DLG2: variants seen among roughly 807,000 people sequenced by gnomAD.
The protein encoded by DLG2 is discs large MAGUK scaffold protein 2, also known as disks large homolog 2.
A neutral mutation model predicts 132.5 loss-of-function variants in DLG2; 45 were observed. That is an observed-to-expected ratio of 0.34 (90% CI 0.27 to 0.44). The LOEUF (loss-of-function observed/expected upper bound fraction) is 0.44, where lower values mean the gene tolerates loss of function less well. Ranked by LOEUF, DLG2 falls within the 20% of genes least tolerant of loss-of-function variation. DLG2 has a pLI of 1.00. For synonymous variants in DLG2, 424 were observed against 419.6 expected, an observed-to-expected ratio of 1.01 and a Z score of -0.13; for missense variants, 1,045 against 1,196.9, an observed-to-expected ratio of 0.87 and a Z score of 1.87.
Position 84,778,959 on chromosome 11 carries a change from T to C in DLG2, c.358-244228A>G, listed in dbSNP as rs553318444. Among the ~76,000 whole-genome samples the C allele has an allele frequency of 2.0e-5, 3 of 152,268 alleles. No homozygotes were observed. The South Asian group carries it at 6.2e-4, about 32-fold the overall frequency. On this transcript the variant is annotated intron_variant, in intron 6 of 27. Coordinates refer to ENST00000376104, the MANE Select transcript of DLG2 (RefSeq NM_001142699.3). ...CTTGAACATCAGACTCCAAGTTCTT[T>C]GGTTTTTGGACTCTTGAACCTACGC...
chr11:85,163,998 T>C (rs1007456852), intron 4 of DLG2, among the ~76,000 whole-genome samples: 7 of 152,290 alleles, frequency 4.6e-5, no homozygotes, highest in African/African-American at 1.7e-4. Context: ...TTGAAGCTTA[T>C]TTAGCATTCT....
intron 10 of DLG2, among the ~76,000 whole-genome samples, chr11:84,089,544 C>A (rs1423662223): frequency 6.6e-6 from 1 of 152,160 alleles, no homozygotes; most frequent in African/African-American, 2.4e-5. Context: ...TACACAAGAA[C>A]TGCATTCTTG....
In DLG2 at chr11:85,294,122, T is replaced by C. The variant is rs558993677; in HGVS notation, c.41-8757A>G. 1.8e-4 allele frequency among the ~76,000 whole-genome samples: 28 copies of C among 152,238 alleles called. No individual in the cohort carries two copies. The South Asian group carries it at 2.1e-3, about 11-fold the overall frequency. On this transcript the variant is annotated intron_variant, in intron 3 of 27. Coordinates refer to ENST00000376104, the MANE Select transcript of DLG2 (RefSeq NM_001142699.3). ...ATATGCATATATATGTATATATGTGTATATGTGTGTATAGAGATACAGAGA... is the reference window on the plus strand; with the variant it reads ...ATATGCATATATATGTATATATGTGCATATGTGTGTATAGAGATACAGAGA...
At chr11:83,708,842 G>A (rs1053654565) in intron 18 of DLG2, among the ~76,000 whole-genome samples, 1 of 152,292 alleles carries the variant, frequency 6.6e-6, no homozygotes, top group South Asian at 2.1e-4. Flanking sequence ...TGTAGGCTTA[G>A]TGGGTATTCT....
chr11:84,072,481 T>G (rs945484858), intron 10 of DLG2, among the ~76,000 whole-genome samples: 1 of 152,004 alleles, frequency 6.6e-6, no homozygotes, highest in South Asian at 2.1e-4. Flanking sequence ...AATGCAGGAG[T>G]ACATAACAGG....
intron 6 of DLG2, among the ~76,000 whole-genome samples, chr11:84,822,808 G>T (rs2077857357): frequency 6.6e-6 from 1 of 151,808 alleles, no homozygotes. Flanking sequence ...GGATTAAATG[G>T]GTAAAAGGTA....
chr11:83,547,890 G>C (rs1457013689), intron 19 of DLG2, among the ~76,000 whole-genome samples: 1 of 152,156 alleles, frequency 6.6e-6, no homozygotes, highest in Admixed American at 6.6e-5. Flanking sequence ...GAATTGGGAA[G>C]TGGACAGAGG....
chr11:84,187,005 T>C (rs936407170), intron 8 of DLG2, among the ~76,000 whole-genome samples: 1 of 151,786 alleles, frequency 6.6e-6, no homozygotes, highest in Non-Finnish European at 1.5e-5. Flanking sequence ...GAAAGAAGTA[T>C]GGTAAGTGTT....
At chr11:84,482,009 CATTAA>C (rs2099139063) in intron 7 of DLG2, among the ~76,000 whole-genome samples, 1 of 152,140 alleles carries the variant, frequency 6.6e-6, no homozygotes, top group African/African-American at 2.4e-5. Context: ...TATTACATTG[CATTAA>C]ATTATCTATT....
In DLG2 at chr11:84,202,582, C is replaced by G. The variant is rs2096610613; in HGVS notation, c.574-39071G>C. 3.3e-5 allele frequency among the ~76,000 whole-genome samples: 5 copies of G among 152,074 alleles called. No homozygotes were observed. In the South Asian group the frequency reaches 1.0e-3, roughly 32 times the overall value. On this transcript the variant is annotated intron_variant, in intron 8 of 27. Transcript: ENST00000376104. ...GGCAAAGATTTCCTAACGAAGACAC[C>G]AAAAGCAATTGAAACAAAAGCAAAA...
chr11:83,899,768 A>C (rs915218716), intron 15 of DLG2, among the ~76,000 whole-genome samples: 6 of 152,192 alleles, frequency 3.9e-5, no homozygotes, highest in Non-Finnish European at 8.8e-5. Context: ...CAGCAGCATG[A>C]AAATGAACTA....
At chr11:85,596,243 G>T (rs1456019052) in intron 3 of DLG2, among the ~76,000 whole-genome samples, 2 of 152,038 alleles carry the variant, frequency 1.3e-5, no homozygotes, top group East Asian at 3.9e-4. Flanking sequence ...CAAAAAATTA[G>T]CCAGGTGTGG....
At chr11:84,296,893 C>T (rs1026847409) in intron 7 of DLG2, among the ~76,000 whole-genome samples, 2 of 151,982 alleles carry the variant, frequency 1.3e-5, no homozygotes, top group Non-Finnish European at 2.9e-5. Context: ...ACATCATCCA[C>T]TGTATTTAAA....
chr11:83,475,085 T>A (rs1294523690), intron 22 of DLG2, among the ~76,000 whole-genome samples: 2 of 152,152 alleles, frequency 1.3e-5, no homozygotes, highest in Admixed American at 1.3e-4. Context: ...GCATCCCTTA[T>A]GTCCGGGCCA....
Position 84,087,251 on chromosome 11 carries a change from C to T in DLG2, c.749+11672G>A, listed in dbSNP as rs146501331. Among the ~76,000 whole-genome samples the T allele has an allele frequency of 3.3e-5, 5 of 152,270 alleles. No individual in the cohort carries two copies. In the East Asian group the frequency reaches 7.7e-4, roughly 24 times the overall value. On this transcript the variant is annotated intron_variant, in intron 10 of 27. Coordinates refer to ENST00000376104, the MANE Select transcript of DLG2 (RefSeq NM_001142699.3). ...GCCAGACTGTTTTCTAAAGTAGCTG[C>T]ACCATTTTACAATCCCACCAGGCAT...
At chr11:84,207,079 C>CTATATATA (rs553787844) in intron 8 of DLG2, among the ~76,000 whole-genome samples, 172 of 99,404 alleles carry the variant, frequency 1.7e-3, no homozygotes, top group African/African-American at 4.1e-3. Flanking sequence ...CTCTCTCTCT[C>CTATATATA]TCTATATATA....
chr11:85,185,745 G>A (rs1312168645), intron 4 of DLG2, among the ~76,000 whole-genome samples: 2 of 151,600 alleles, frequency 1.3e-5, no homozygotes, highest in South Asian at 2.1e-4. Context: ...CATCCTCATC[G>A]AAATCAACAT....
intron 7 of DLG2, among the ~76,000 whole-genome samples, chr11:84,532,683 G>T (rs752326890): frequency 1.1e-4 from 16 of 152,130 alleles, no homozygotes; most frequent in Non-Finnish European, 2.2e-4. Flanking sequence ...TTTTTGCAGA[G>T]ACAAGGTCTT....
chr11:83,971,401 C>G (rs2091308272), intron 12 of DLG2, among the ~76,000 whole-genome samples: 1 of 152,066 alleles, frequency 6.6e-6, no homozygotes, highest in African/African-American at 2.4e-5. Flanking sequence ...GGCAAACCAG[C>G]TGAAGAAAGA....
Sources: gnomAD v4.1 joint callset for allele counts (sites outside exome capture counted in the v4.1 genomes callset) on GRCh38, gnomAD v4.1.1 for gene constraint, MANE v1.5 for transcripts, NCBI Gene and HGNC (gene_info 2026-07-23, HGNC 2026-07-21) for gene names.